Variants in AAGAB observed in about 807,000 individuals in gnomAD.
AAGAB encodes the protein alpha and gamma adaptin binding protein.
Under a neutral mutation model 44.1 loss-of-function variants are expected in AAGAB, and 38 were observed. The observed-to-expected ratio is 0.86, with a 90% CI of 0.67 to 1.13. AAGAB has a LOEUF of 1.13. Ranked by LOEUF, AAGAB falls within the 50% of genes most tolerant of loss-of-function variation. The probability of loss-of-function intolerance (pLI) is 0.00; values close to 1 mark genes in which losing one functional copy is unlikely to be tolerated. For synonymous variants in AAGAB, 131 were observed against 131.8 expected (o/e 0.99, Z 0.04); for missense variants, 450 against 373.8 (o/e 1.20, Z -1.68).
chr15:67,206,333 A>G (rs1050554164), intron 7 of AAGAB, among the ~76,000 whole-genome samples: 7 of 152,238 alleles, frequency 4.6e-5, no homozygotes, highest in Non-Finnish European at 1.0e-4. Flanking sequence ...TCATTACATA[A>G]TTAAAGTGGC....
intron 9 of AAGAB, among the ~76,000 whole-genome samples, 185 bp from the exon 10 acceptor site, chr15:67,203,083 G>C (rs1963604106): frequency 6.6e-6 from 1 of 152,102 alleles, no homozygotes; most frequent in African/African-American, 2.4e-5. Flanking sequence ...TTTATACCAA[G>C]GATATATTTA....
chr15:67,230,081 T>C (rs1964300671), intron 5 of AAGAB, among the ~76,000 whole-genome samples: 1 of 151,978 alleles, frequency 6.6e-6, no homozygotes. Context: ...CTTGATCTCC[T>C]GACCTTGTGA....
intron 7 of AAGAB, 108 bp from the exon 8 acceptor site, chr15:67,204,256 G>A: frequency 1.4e-6 from 1 of 725,000 alleles, no homozygotes; most frequent in South Asian, 1.9e-5. Context: ...ATGATCGAAG[G>A]CCCAGTGTAT....
At chr15:67,243,732 G>A (rs1964657987) in intron 1 of AAGAB, among the ~76,000 whole-genome samples, 1 of 152,318 alleles carries the variant, frequency 6.6e-6, no homozygotes, top group Non-Finnish European at 1.5e-5. Context: ...GTTCTGGAAT[G>A]CAAAATTGGT....
At chr15:67,208,948 A>T (rs1963746859) in intron 6 of AAGAB, among the ~76,000 whole-genome samples, 2 of 152,220 alleles carry the variant, frequency 1.3e-5, no homozygotes, top group South Asian at 4.1e-4. Context: ...AAAATGTGAA[A>T]ATGTAACACA....
At chr15:67,208,681 G>A in intron 6 of AAGAB, 23 bp from the exon 7 acceptor site, 2 of 1,597,992 alleles carry the variant, frequency 1.3e-6, no homozygotes, top group Non-Finnish European at 1.7e-6. Context: ...ATACACATAA[G>A]CAACAATTTA....
intron 3 of AAGAB, 107 bp downstream of exon 3, chr15:67,236,301 A>G: frequency 1.8e-6 from 2 of 1,123,356 alleles, no homozygotes; most frequent in Admixed American, 2.4e-5. Context: ...TCATAAAGCC[A>G]TAAAGTCACA....
intron 4 of AAGAB, among the ~76,000 whole-genome samples, chr15:67,232,292 A>G (rs1479561166): frequency 1.3e-5 from 2 of 151,724 alleles, no homozygotes; most frequent in Non-Finnish European, 2.9e-5. Context: ...TCCAAGCCAT[A>G]TTTTCAAATG....
chr15:67,209,669 T>C, intron 5 of AAGAB, 125 bp from the exon 6 acceptor site: 1 of 751,602 alleles, frequency 1.3e-6, no homozygotes, highest in African/African-American at 1.8e-5. Context: ...ATATATATTT[T>C]TGAGACAGGG....
chr15:67,248,375 A>G (rs1964778967), intron 1 of AAGAB, among the ~76,000 whole-genome samples: 1 of 152,158 alleles, frequency 6.6e-6, no homozygotes, highest in Admixed American at 6.5e-5. Context: ...CCATTCTTTG[A>G]AGAAAATAAA....
At chr15:67,213,976 A>G (rs1224549521) in intron 5 of AAGAB, among the ~76,000 whole-genome samples, 1 of 152,160 alleles carries the variant, frequency 6.6e-6, no homozygotes, top group East Asian at 1.9e-4. Context: ...ACTGAGAGAG[A>G]TTAGGTAACT....
At chr15:67,254,792 G>A, upstream of AAGAB, 1 of 1,378,508 alleles carries the variant, frequency 7.3e-7, no homozygotes, top group Non-Finnish European at 1.0e-6. Flanking sequence ...GCGTGGAACA[G>A]GCCAGGTCGC....
intron 5 of AAGAB, among the ~76,000 whole-genome samples, chr15:67,215,199 C>T (rs562182451): frequency 6.8e-4 from 104 of 152,232 alleles, no homozygotes; most frequent in Non-Finnish European, 1.4e-3. Context: ...ATGCCATCCT[C>T]AACTATACTA....
chr15:67,225,711 G>A (rs1964187992), intron 5 of AAGAB, among the ~76,000 whole-genome samples: 1 of 152,148 alleles, frequency 6.6e-6, no homozygotes, highest in East Asian at 1.9e-4. Context: ...GATCCACATT[G>A]TAGCATATAT....
Position 67,202,694 on chromosome 15 carries a change from G to A in AAGAB, c.*127C>T. 1 of 760,814 alleles carries A rather than the reference G, an allele frequency of 1.3e-6. No individual in the cohort carries two copies. 47.1% of individuals were successfully genotyped at this position (760,814 alleles called of 1,614,324 possible). A position where few individuals can be genotyped will look rare whatever the true frequency, so the allele number is the denominator to read the frequency against. ...CTCCTACTAAAAACTAAAATTAAGG[G>A]GACCCTATAAACAAGTCAGGCAGCC... On this transcript the variant is annotated 3_prime_UTR_variant, in exon 10 of 10. Transcript: ENST00000261880.
intron 3 of AAGAB, 65 bp downstream of exon 3, chr15:67,236,343 T>G: frequency 7.2e-7 from 1 of 1,390,220 alleles, no homozygotes; most frequent in Non-Finnish European, 1.0e-6. Flanking sequence ...AAGAAACAGA[T>G]GTACTCTGTT....
chr15:67,240,601 C>A (rs1596010785), intron 1 of AAGAB, among the ~76,000 whole-genome samples: 1 of 152,200 alleles, frequency 6.6e-6, no homozygotes, highest in Non-Finnish European at 1.5e-5. Flanking sequence ...CAAACATAAA[C>A]CTTTCCTTCA....
At chr15:67,244,432 A>G (rs1285268107) in intron 1 of AAGAB, among the ~76,000 whole-genome samples, 1 of 152,214 alleles carries the variant, frequency 6.6e-6, no homozygotes, top group South Asian at 2.1e-4. Flanking sequence ...TGCAAATTAT[A>G]TATCAATAAG....
intron 7 of AAGAB, among the ~76,000 whole-genome samples, chr15:67,207,277 G>T (rs1033695849): frequency 6.6e-6 from 1 of 152,164 alleles, no homozygotes; most frequent in Admixed American, 6.5e-5. Context: ...TGCTATGGTG[G>T]TATTGTTGCT....
Sources: allele counts gnomAD v4.1 joint callset (sites outside exome capture counted in the v4.1 genomes callset), GRCh38; gene constraint gnomAD v4.1.1; transcripts MANE v1.5; gene names NCBI Gene and HGNC (gene_info 2026-07-23, HGNC 2026-07-21).